WDR1: variants seen among roughly 807,000 people sequenced by gnomAD.
WDR1 encodes the protein WD repeat-containing protein 1.
In WDR1, 21 loss-of-function variants were observed where a neutral mutation model predicts 71.9. The ratio of observed to expected loss-of-function variants is 0.29; its 90% CI spans 0.21 to 0.42. The LOEUF is 0.42. Ranked by LOEUF, WDR1 falls within the 10% of genes least tolerant of loss-of-function variation. The pLI, the probability that WDR1 is intolerant of heterozygous loss-of-function variation, is 1.00. For synonymous variants in WDR1, 424 were observed against 347.4 expected (o/e 1.22, Z -2.45); for missense variants, 696 against 824.5 (o/e 0.84, Z 1.91).
At position 10,083,233 on chromosome 4, in the gene WDR1, T is replaced by G. The variant is rs1405229897; in HGVS notation, c.1040-55A>C. ...CCCAGGACTGCTGGGTGTTCTCAGG[T>G]GTGGCTTCAGTCCTAAGATTCTCCA... is the stretch of plus-strand genomic sequence containing the variant. On this transcript the variant is annotated intron_variant, in intron 9 of 14. Coordinates refer to ENST00000499869, the MANE Select transcript of WDR1 (RefSeq NM_017491.5). 3.2e-6 allele frequency: 5 copies of G among 1,574,864 alleles called. No homozygotes were observed. In the Admixed American group the frequency reaches 9.0e-5, roughly 28 times the overall value.
At position 10,079,021 on chromosome 4, in the gene WDR1, CT is replaced by C; in HGVS notation, c.1285-21del. ...GACAATCTGTGGCACACACAGGCAG[CT>C]GGTCAGGCGGTCCAGCCCTTCGGGA... On this transcript the variant is annotated intron_variant, in intron 11 of 14. Transcript: ENST00000499869. 1 of 1,577,554 alleles carries C rather than the reference CT, an allele frequency of 6.3e-7. No individual in the cohort carries two copies. Among genetic ancestry groups the C allele is most frequent in the Non-Finnish European group, 8.6e-7 (1 of 1,157,472 alleles).
chr4:10,110,917 A>G (rs1243824667), intron 2 of WDR1, among the ~76,000 whole-genome samples: 3 of 152,216 alleles, frequency 2.0e-5, no homozygotes, highest in Non-Finnish European at 4.4e-5. Flanking sequence ...CCCCTCCCTG[A>G]AAATCACTGA....
chr4:10,107,745 G>A (rs960508065), intron 2 of WDR1, among the ~76,000 whole-genome samples: 1 of 152,146 alleles, frequency 6.6e-6, no homozygotes, highest in African/African-American at 2.4e-5. Flanking sequence ...GAGTCCGGGG[G>A]CCTCTGAGGA....
At chr4:10,114,036 A>G (rs1318289663) in intron 2 of WDR1, among the ~76,000 whole-genome samples, 1 of 152,066 alleles carries the variant, frequency 6.6e-6, no homozygotes, top group Non-Finnish European at 1.5e-5. Flanking sequence ...ATGCCAATTC[A>G]TGTCACTTTT....
chr4:10,100,306 C>G (rs1712610598), intron 3 of WDR1, among the ~76,000 whole-genome samples: 1 of 152,240 alleles, frequency 6.6e-6, no homozygotes, highest in African/African-American at 2.4e-5. Flanking sequence ...GCTCAGCAAG[C>G]AACATGGCTT....
intron 2 of WDR1, among the ~76,000 whole-genome samples, chr4:10,107,240 G>A (rs1349336258): frequency 1.3e-5 from 2 of 152,200 alleles, no homozygotes; most frequent in Non-Finnish European, 2.9e-5. Context: ...GGCTGGGCCA[G>A]CTCTGGCAGT....
intron 2 of WDR1, among the ~76,000 whole-genome samples, chr4:10,113,188 G>A (rs12648610): frequency 0.28 from 43,197 of 151,932 alleles, 6,343 homozygotes; most frequent in East Asian, 0.4. Context: ...GCGAAACCCC[G>A]TTACCTACTA....
intron 6 of WDR1, 88 bp from the exon 7 acceptor site, chr4:10,088,461 C>G: frequency 7.4e-7 from 1 of 1,358,400 alleles, no homozygotes. Flanking sequence ...CTGTAGAAAA[C>G]CGGGGCTCAC....
chr4:10,089,063 G>A (rs1458573102), intron 5 of WDR1, among the ~76,000 whole-genome samples: 1 of 152,178 alleles, frequency 6.6e-6, no homozygotes, highest in Non-Finnish European at 1.5e-5. Context: ...GGCTCTGAAA[G>A]AGCTCAAGCC....
intron 5 of WDR1, chr4:10,091,679 C>G (rs555049721): frequency 7.9e-5 from 12 of 152,474 alleles, no homozygotes; most frequent in Admixed American, 6.5e-4. Context: ...TTTGCATCCC[C>G]CCTTCTGCTG....
At chr4:10,078,752 C>T in intron 12 of WDR1, 139 bp downstream of exon 12, 1 of 685,240 alleles carries the variant, frequency 1.5e-6, no homozygotes, top group Non-Finnish European at 2.4e-6. Flanking sequence ...CAGAGCAGGT[C>T]CCACGCCCCG....
At chr4:10,080,512 G>A (rs1343416778) in intron 11 of WDR1, among the ~76,000 whole-genome samples, 1 of 152,242 alleles carries the variant, frequency 6.6e-6, no homozygotes, top group Non-Finnish European at 1.5e-5. Context: ...CTAGGACACA[G>A]AGAAATCCAC....
Position 10,097,757 on chromosome 4 carries a change from G to A in WDR1, c.512C>T (p.Ala171Val), listed in dbSNP as rs182603736. Residue 171 changes from alanine to valine, a missense_variant, in exon 5 of 15, where the codon GCG (alanine) becomes GTG (valine). Physicochemically the swap from Ala to Val is moderately conservative, Grantham distance 64. Coordinates refer to ENST00000499869, the MANE Select transcript of WDR1 (RefSeq NM_017491.5). ...GAATGGGGGTCCCTCAAAGAATGCCGCGCAGTTATCATCGCTTCCCGTGGC... is the reference window on the plus strand; with the variant it reads ...GAATGGGGGTCCCTCAAAGAATGCCACGCAGTTATCATCGCTTCCCGTGGC... Reference protein sequence around the residue: ...RLATGSDDNCAAFFEGPPFKF... With the variant: ...RLATGSDDNCVAFFEGPPFKF... 2,213 of 1,613,190 alleles carry A rather than the reference G, an allele frequency of 1.4e-3. 4 individuals carry two copies. The highest frequency in any genetic ancestry group is 1.7e-3 in the Non-Finnish European group (1,960 of 1,179,558).
At chr4:10,078,161 A>C (rs1764873278) in intron 12 of WDR1, among the ~76,000 whole-genome samples, 1 of 152,198 alleles carries the variant, frequency 6.6e-6, no homozygotes, top group South Asian at 2.1e-4. Context: ...TGAGGCCCTC[A>C]AGCTGGCTGG....
rs774645254 is a variant in WDR1 at position 10,087,821 on chromosome 4, C to T, written c.837G>A (p.Leu279=). The change falls in exon 8 of 15, where the codon CTG becomes CTA. Residue 279 remains leucine, a synonymous_variant. Transcript: ENST00000499869. The part of the protein sequence containing the change: ...VSTFPMGSTV[L]DQQLGCLWQK... ...GCCATAGGCAGCCCAGCTGCTGGTC[C>T]AGAACCGTGGAGCCCATGGGAAATG... The T allele has an allele frequency of 6.3e-7, 1 of 1,587,606 alleles. No homozygotes were observed. Among genetic ancestry groups the T allele is most frequent in the Non-Finnish European group, 8.6e-7 (1 of 1,166,372 alleles).
intron 9 of WDR1, chr4:10,083,466 C>G: frequency 3.6e-6 from 2 of 551,012 alleles, no homozygotes; most frequent in Non-Finnish European, 6.9e-6. Flanking sequence ...TCCTCTGCTA[C>G]TAGTTATCGG....
intron 5 of WDR1, among the ~76,000 whole-genome samples, chr4:10,089,971 C>A (rs981838476): frequency 6.6e-6 from 1 of 152,180 alleles, no homozygotes; most frequent in Non-Finnish European, 1.5e-5. Context: ...TTAGGGCAGG[C>A]TGTAAATCCA....
chr4:10,096,910 C>G (rs1712381052), intron 5 of WDR1, among the ~76,000 whole-genome samples: 1 of 152,208 alleles, frequency 6.6e-6, no homozygotes, highest in South Asian at 2.1e-4. Context: ...TCAGCGCAAG[C>G]ACAAGCGGGA....
chr4:10,085,252 C>CTT (rs1257590405), intron 8 of WDR1, among the ~76,000 whole-genome samples: 1 of 152,226 alleles, frequency 6.6e-6, no homozygotes, highest in Non-Finnish European at 1.5e-5. Context: ...CCCCTCTCCT[C>CTT]TGAGCTCAGG....
Sources: allele counts gnomAD v4.1 joint callset (sites outside exome capture counted in the v4.1 genomes callset), GRCh38; gene constraint gnomAD v4.1.1; transcripts MANE v1.5; gene names NCBI Gene and HGNC (gene_info 2026-07-23, HGNC 2026-07-21).